RAB40B: variants seen among roughly 807,000 people sequenced by gnomAD.
RAB40B encodes the protein RAB40B, member RAS oncogene family.
Under a neutral mutation model 24.0 loss-of-function variants are expected in RAB40B, and 21 were observed. That is an observed-to-expected ratio of 0.88 (90% CI 0.62 to 1.26). RAB40B has a LOEUF of 1.26. RAB40B is among the 50% of genes most tolerant of loss of function. The probability of loss-of-function intolerance (pLI) is 0.00; values close to 1 mark genes in which losing one functional copy is unlikely to be tolerated. For missense variants in RAB40B, 348 were observed against 390.5 expected, an observed-to-expected ratio of 0.89 and a Z score of 0.92; for synonymous variants, 167 against 169.8, an observed-to-expected ratio of 0.98 and a Z score of 0.13.
rs111272491 is a variant in RAB40B at position 82,663,179 on chromosome 17, G to A, written c.203+1317C>T. On this transcript the variant is annotated intron_variant, in intron 2 of 5. Transcript: ENST00000571995. The surrounding 1 kb of genome is among the most constrained non-coding windows in gnomAD (Gnocchi z 6.2). ...AGGCCTGAAGCTGTGCAGCAGGAAGGGTCGGGGCGCTTGGGGACACTGTGG... is the reference window on the plus strand; with the variant it reads ...AGGCCTGAAGCTGTGCAGCAGGAAGAGTCGGGGCGCTTGGGGACACTGTGG... Among the ~76,000 whole-genome samples the A allele has an allele frequency of 3.2e-4, 48 of 152,232 alleles. No individual in the cohort carries two copies. Among genetic ancestry groups the A allele is most frequent in the African/African-American group, 1.1e-3 (46 of 41,542 alleles).
At chr17:82,680,157 G>A (rs1002911221) in intron 1 of RAB40B, among the ~76,000 whole-genome samples, 1 of 152,244 alleles carries the variant, frequency 6.6e-6, no homozygotes, top group Non-Finnish European at 1.5e-5. Flanking sequence ...GCTCAACTCA[G>A]GCGGGCCCGG....
At chr17:82,661,946 G>A in intron 2 of RAB40B, 1 of 984,790 alleles carries the variant, frequency 1.0e-6, no homozygotes, top group African/African-American at 1.8e-5. Flanking sequence ...GTGCTCCCCA[G>A]GGATCAGTTC....
At chr17:82,679,838 G>A (rs1160533974) in intron 1 of RAB40B, among the ~76,000 whole-genome samples, 1 of 112,222 alleles carries the variant, frequency 8.9e-6, no homozygotes, top group African/African-American at 3.4e-5. Flanking sequence ...GAAGGAACAC[G>A]GCCCAGAAGC....
At chr17:82,678,345 T>G (rs1403747810) in intron 1 of RAB40B, among the ~76,000 whole-genome samples, 2 of 152,186 alleles carry the variant, frequency 1.3e-5, no homozygotes, top group Non-Finnish European at 2.9e-5. Flanking sequence ...ATACAAAGCT[T>G]CTAGAACAAA....
intron 1 of RAB40B, among the ~76,000 whole-genome samples, chr17:82,691,375 C>G (rs923436530): frequency 6.6e-6 from 1 of 152,200 alleles, no homozygotes; most frequent in East Asian, 1.9e-4. Flanking sequence ...ATCCACCCCC[C>G]TCCCTGTCAC....
At chr17:82,689,966 CA>C (rs34923378) in intron 1 of RAB40B, among the ~76,000 whole-genome samples, 30 of 139,742 alleles carry the variant, frequency 2.1e-4, no homozygotes, top group Non-Finnish European at 1.8e-4. Context: ...AACTTCATCT[CA>C]AAAAAAAAAA....
At chr17:82,694,945 A>G (rs2046593473) in intron 1 of RAB40B, among the ~76,000 whole-genome samples, 1 of 151,880 alleles carries the variant, frequency 6.6e-6, no homozygotes, top group African/African-American at 2.4e-5. Flanking sequence ...AATGAAATCT[A>G]GGTGATTAAG....
At chr17:82,677,098 G>C (rs531740157) in intron 1 of RAB40B, among the ~76,000 whole-genome samples, 1 of 151,474 alleles carries the variant, frequency 6.6e-6, no homozygotes, top group African/African-American at 2.4e-5. Context: ...ACAGGCGCCC[G>C]CCACCACGCC....
At chr17:82,685,378 G>T (rs1351882174) in intron 1 of RAB40B, among the ~76,000 whole-genome samples, 2 of 150,044 alleles carry the variant, frequency 1.3e-5, no homozygotes, top group African/African-American at 5.1e-5. Context: ...CAGATTCCTG[G>T]GGCCTCCTTG....
At chr17:82,659,162 C>T in intron 4 of RAB40B, 1 of 249,436 alleles carries the variant, frequency 4.0e-6, no homozygotes. Flanking sequence ...GTCGTCGGTT[C>T]TAGCAGCCCC....
intron 1 of RAB40B, among the ~76,000 whole-genome samples, chr17:82,685,537 A>T (rs981976837): frequency 6.6e-6 from 1 of 152,130 alleles, no homozygotes; most frequent in African/African-American, 2.4e-5. Context: ...GGCCCCAGGC[A>T]CCCGGCCTGC....
At chr17:82,695,779 C>G (rs546587759) in intron 1 of RAB40B, among the ~76,000 whole-genome samples, 2 of 152,140 alleles carry the variant, frequency 1.3e-5, no homozygotes, top group African/African-American at 4.8e-5. Context: ...TTTCTTAACT[C>G]TAAAACAAAT....
At chr17:82,684,220 C>CAAAA (rs34778953) in intron 1 of RAB40B, among the ~76,000 whole-genome samples, 15 of 120,254 alleles carry the variant, frequency 1.2e-4, no homozygotes, top group East Asian at 1.2e-3. Flanking sequence ...GACTCTGTCT[C>CAAAA]AAAAAAAAAA....
rs1220361316 is a variant in RAB40B, at chr17:82,655,667, C to T, written c.*2196G>A. ...GGTCGGCCCTGTCGTTCTCACCCCA[C>T]CTGTGGCACAGCAGAGAGAAGGGTG... On this transcript the variant is annotated 3_prime_UTR_variant, in exon 6 of 6. Coordinates refer to ENST00000571995, the MANE Select transcript of RAB40B (RefSeq NM_006822.3). The T allele has an allele frequency of 1.3e-5, 2 of 152,324 alleles. No homozygotes were observed. Among genetic ancestry groups the T allele is most frequent in the Non-Finnish European group, 2.9e-5 (2 of 68,110 alleles). 9.4% of individuals were successfully genotyped at this position (152,324 alleles called of 1,614,324 possible). A position where few individuals can be genotyped will look rare whatever the true frequency, so the allele number is the denominator to read the frequency against.
rs1468185059 is a variant in RAB40B at position 82,692,282 on chromosome 17, A to G, written c.142+6173T>C. Among the ~76,000 whole-genome samples, 6 of 152,142 alleles carry G rather than the reference A, an allele frequency of 3.9e-5. No homozygotes were observed. Among genetic ancestry groups the G allele is most frequent in the African/African-American group, 1.4e-4 (6 of 41,428 alleles). ...GCAGTGGGGTCCACATAGTCTGTGG[A>G]GTCAAGTTGCCGACAGGGTCCAAGA... is the stretch of plus-strand genomic sequence containing the variant. On this transcript the variant is annotated intron_variant, in intron 1 of 5. Transcript: ENST00000571995. The surrounding 1 kb of genome is among the most constrained non-coding windows in gnomAD (Gnocchi z 4.0).
chr17:82,659,998 CAT>C (rs1243354216), intron 3 of RAB40B, among the ~76,000 whole-genome samples: 1 of 152,370 alleles, frequency 6.6e-6, no homozygotes, highest in East Asian at 1.9e-4. Context: ...TGCACATACA[CAT>C]GGAGCTCACG....
At chr17:82,685,453 G>T (rs967521932) in intron 1 of RAB40B, among the ~76,000 whole-genome samples, 1 of 152,088 alleles carries the variant, frequency 6.6e-6, no homozygotes, top group South Asian at 2.1e-4. Flanking sequence ...AAGCATGGAC[G>T]ACCGGCAGAA....
rs757482304 is a variant in RAB40B, at chr17:82,662,378, G to A, written c.204-1331C>T. ...AATCTGCCAGCTTCGCAGGGAGGCC[G>A]AAGGGCCAGCACGTGCTGTCAGAGT... is the stretch of plus-strand genomic sequence containing the variant. On this transcript the variant is annotated intron_variant, in intron 2 of 5. Transcript: ENST00000571995. 3.1e-4 allele frequency: 308 copies of A among 985,372 alleles called. 1 individual carries two copies. Among genetic ancestry groups the A allele is most frequent in the Admixed American group, 1.5e-3 (25 of 16,270 alleles). 61.0% of individuals were successfully genotyped at this position (985,372 alleles called of 1,614,324 possible).
rs1598289108 is a variant in RAB40B, at chr17:82,655,806, C to G, written c.*2057G>C. ...CCCCTGCCTCCCCGTGGACTTTGTC[C>G]CCGTGGCTGCCGTGCCCAGGTGGCC... On this transcript the variant is annotated 3_prime_UTR_variant, in exon 6 of 6. Coordinates refer to ENST00000571995, the MANE Select transcript of RAB40B (RefSeq NM_006822.3). 6.6e-6 allele frequency: 1 copy of G among 152,350 alleles called. No homozygotes were observed. The highest frequency in any genetic ancestry group is 1.9e-4 in the East Asian group (1 of 5,176). The allele number at this position is 152,350 out of a possible 1,614,324, so 9.4% of individuals were successfully genotyped here.
Sources: allele counts gnomAD v4.1 joint callset (sites outside exome capture counted in the v4.1 genomes callset), GRCh38; gene constraint gnomAD v4.1.1; non-coding constraint Gnocchi (gnomAD v3.1); transcripts MANE v1.5; gene names NCBI Gene and HGNC (gene_info 2026-07-23, HGNC 2026-07-21).